The following ABCA12 variants were observed in gnomAD, a reference collection of about 807,000 sequenced individuals.
ABCA12 encodes the protein glucosylceramide transporter ABCA12.
A neutral mutation model predicts 293.5 loss-of-function variants in ABCA12; 156 were observed. That is an observed-to-expected ratio of 0.53 (90% CI 0.47 to 0.61). The LOEUF (loss-of-function observed/expected upper bound fraction) is 0.61. Ranked by LOEUF, ABCA12 falls within the 20% of genes least tolerant of loss-of-function variation. The pLI, the probability that ABCA12 is intolerant of heterozygous loss-of-function variation, is 0.00. For synonymous variants in ABCA12, 1,063 were observed against 1,108.0 expected (o/e 0.96, Z 0.81); for missense variants, 2,797 against 3,090.2 (o/e 0.91, Z 2.25).
intron 11 of ABCA12, among the ~76,000 whole-genome samples, chr2:215,021,076 T>C (rs1574989522): frequency 1.3e-5 from 2 of 152,200 alleles, no homozygotes; most frequent in African/African-American, 4.8e-5. Context: ...GTCTCACTCT[T>C]GGGCTGAAGC....
intron 1 of ABCA12, among the ~76,000 whole-genome samples, chr2:215,117,508 C>T (rs1702710672): frequency 6.6e-6 from 1 of 152,116 alleles, no homozygotes; most frequent in African/African-American, 2.4e-5. Context: ...TAATATTTTC[C>T]TCTGCACCTG....
rs758076645 is a variant in ABCA12 at position 214,980,596 on chromosome 2, G to A, written c.4627C>T (p.Leu1543=). Residue 1543 remains leucine, a synonymous_variant, in exon 31 of 53, where the codon CTG becomes TTG. Coordinates refer to ENST00000272895, the MANE Select transcript of ABCA12 (RefSeq NM_173076.3). ...STHHLDEAEV[L]SDRIAFLEQG... is the part of the protein sequence containing the mutation. ...TCCAGGAAGGCGATGCGGTCACTCA[G>A]CACTTCAGCCTCGTCCAAGTGGTGC... is the stretch of plus-strand genomic sequence containing the variant. 1.9e-6 allele frequency: 3 copies of A among 1,614,060 alleles called. No homozygotes were observed. Among genetic ancestry groups the A allele is most frequent in the Non-Finnish European group, 2.5e-6 (3 of 1,179,982 alleles).
chr2:214,942,959 G>C lies in ABCA12; in HGVS notation c.7402C>G (p.Gln2468Glu). The C allele has an allele frequency of 1.2e-6, 2 of 1,613,436 alleles. No individual in the cohort carries two copies. Among genetic ancestry groups the C allele is most frequent in the Non-Finnish European group, 1.7e-6 (2 of 1,179,758 alleles). Residue 2468 changes from glutamine to glutamate, a missense_variant, in exon 50 of 53, where the codon CAA (glutamine) becomes GAA (glutamate). By Grantham distance (29) the Gln-to-Glu change is conservative. Transcript: ENST00000272895. ...ATGTGCTGCAAAGATCCAATACATT[G>C]AAACTTTCCATTCACCATAATGGCC... ...RLAIMVNGKF[Q>E]CIGSLQHIKS...
chr2:215,024,550 G>T (rs1700698748), intron 11 of ABCA12, among the ~76,000 whole-genome samples: 2 of 152,086 alleles, frequency 1.3e-5, no homozygotes, highest in African/African-American at 2.4e-5. Context: ...CTTCTCATTT[G>T]CACAAACAAA....
Position 214,991,034 on chromosome 2 carries a change from G to GT in ABCA12, c.3295-4dup. ...TTCACACCCATCATCTTCATGTACTGTAAGAAGAAAAAATGTGAGGCGCTT... is the reference window on the plus strand; with the variant it reads ...TTCACACCCATCATCTTCATGTACTGTTAAGAAGAAAAAATGTGAGGCGCTT... On this transcript the variant is annotated splice_polypyrimidine_tract_variant and splice_region_variant and intron_variant, in intron 23 of 52. Transcript: ENST00000272895. 1.9e-6 allele frequency: 3 copies of GT among 1,613,250 alleles called. No homozygotes were observed. Among genetic ancestry groups the GT allele is most frequent in the Non-Finnish European group, 2.5e-6 (3 of 1,179,534 alleles).
At chr2:215,036,145 A>G (rs1438365891) in intron 8 of ABCA12, among the ~76,000 whole-genome samples, 1 of 152,232 alleles carries the variant, frequency 6.6e-6, no homozygotes, top group Non-Finnish European at 1.5e-5. Flanking sequence ...GATATAAAAA[A>G]TGCTCTAGAC....
chr2:215,117,220 A>G (rs980407125), intron 1 of ABCA12, among the ~76,000 whole-genome samples: 1 of 152,338 alleles, frequency 6.6e-6, no homozygotes, highest in Non-Finnish European at 1.5e-5. Context: ...AATCTAGACT[A>G]ATTTTTAAAA....
At position 214,961,101 on chromosome 2, in the gene ABCA12, T is replaced by C. The variant is rs117072338; in HGVS notation, c.5885-2023A>G. ...TAATTGGGTTGATTTTTAAAACCAG[T>C]AACATTATTACAATGGTAGATCTCA... is the stretch of plus-strand genomic sequence containing the variant. On this transcript the variant is annotated intron_variant, in intron 39 of 52. Transcript: ENST00000272895. 8.3e-4 allele frequency among the ~76,000 whole-genome samples: 126 copies of C among 152,224 alleles called. 1 individual carries two copies. Among genetic ancestry groups the C allele is most frequent in the East Asian group, 6.0e-3 (31 of 5,178 alleles).
intron 29 of ABCA12, 50 bp from the exon 30 acceptor site, chr2:214,982,433 G>C: frequency 6.7e-7 from 1 of 1,491,258 alleles, no homozygotes; most frequent in Non-Finnish European, 9.3e-7. Flanking sequence ...TACTATTTGA[G>C]TACTGGAAAC....
Position 214,986,566 on chromosome 2 carries a change from T to G in ABCA12, c.4139A>C (p.Asn1380Thr). Residue 1380 changes from asparagine (N) to threonine (T), a missense_variant, in exon 28 of 53, where the codon AAT (asparagine) becomes ACT (threonine). Around this residue, in one of 3 missense-constraint regions of ABCA12, gnomAD observed 2,130 missense variants for 2,427.0 expected, o/e 0.88. Transcript: ENST00000272895. ...CATGGTAGTAGTTTTCCCAGCTCCATTGGGCCCCAGCAATGAAGTAATATG... is the reference window on the plus strand; with the variant it reads ...CATGGTAGTAGTTTTCCCAGCTCCAGTGGGCCCCAGCAATGAAGTAATATG... ...EGHITSLLGP[N>T]GAGKTTTISM... 2 of 1,614,088 alleles carry G rather than the reference T, an allele frequency of 1.2e-6. No homozygotes were observed. The highest frequency in any genetic ancestry group is 1.1e-5 in the South Asian group (1 of 91,082).
Position 215,111,586 on chromosome 2 carries a change from C to T in ABCA12, c.163+11G>A. 1.3e-6 allele frequency: 2 copies of T among 1,577,530 alleles called. No homozygotes were observed. Among genetic ancestry groups the T allele is most frequent in the Non-Finnish European group, 1.7e-6 (2 of 1,147,660 alleles). ...AAAAATTAAGGAAATAAACAAATGT[C>T]ATTTACTTACAAGTTGGTTTTGCAG... On this transcript the variant is annotated intron_variant, in intron 2 of 52. Coordinates refer to ENST00000272895, the MANE Select transcript of ABCA12 (RefSeq NM_173076.3).
chr2:215,020,169 T>C (rs912324917), intron 11 of ABCA12, among the ~76,000 whole-genome samples: 1 of 152,058 alleles, frequency 6.6e-6, no homozygotes, highest in Non-Finnish European at 1.5e-5. Context: ...TTAGAACGTT[T>C]AAAAAGTATT....
intron 3 of ABCA12, among the ~76,000 whole-genome samples, chr2:215,060,904 G>A (rs1000677738): frequency 1.3e-5 from 2 of 152,036 alleles, no homozygotes; most frequent in South Asian, 2.1e-4. Context: ...GAAGCCGCAG[G>A]TCATGAATGA....
At chr2:215,051,649 A>G (rs1317776047) in intron 5 of ABCA12, among the ~76,000 whole-genome samples, 4 of 33,716 alleles carry the variant, frequency 1.2e-4, no homozygotes, top group Non-Finnish European at 3.9e-4. Flanking sequence ...TGTGTGTGTG[A>G]AGGTGATGGG....
chr2:215,116,677 A>C (rs1322285985), intron 1 of ABCA12, among the ~76,000 whole-genome samples: 1 of 152,248 alleles, frequency 6.6e-6, no homozygotes, highest in African/African-American at 2.4e-5. Flanking sequence ...TGAGGAATGG[A>C]GTATGTACCT....
At chr2:215,096,626 A>C (rs536695373) in intron 2 of ABCA12, among the ~76,000 whole-genome samples, 1 of 152,272 alleles carries the variant, frequency 6.6e-6, no homozygotes, top group East Asian at 1.9e-4. Flanking sequence ...TATCTTTAAG[A>C]CTTACTCATT....
At chr2:215,112,062 C>A (rs1702581705) in intron 1 of ABCA12, among the ~76,000 whole-genome samples, 3 of 152,248 alleles carry the variant, frequency 2.0e-5, no homozygotes, top group Admixed American at 1.3e-4. Context: ...TCTAAACAGG[C>A]CATACAAAAC....
chr2:215,105,615 A>G (rs1702449875), intron 2 of ABCA12, among the ~76,000 whole-genome samples: 1 of 151,788 alleles, frequency 6.6e-6, no homozygotes, highest in Non-Finnish European at 1.5e-5. Flanking sequence ...ACACACACAC[A>G]CACACACGCA....
At chr2:215,019,030 G>C (rs368210192) in intron 13 of ABCA12, among the ~76,000 whole-genome samples, 4 of 152,286 alleles carry the variant, frequency 2.6e-5, no homozygotes, top group African/African-American at 9.6e-5. Flanking sequence ...TTTCATTGTT[G>C]CCCTTGCAGC....
Sources: gnomAD v4.1 joint callset for allele counts (sites outside exome capture counted in the v4.1 genomes callset) on GRCh38, gnomAD v4.1.1 for gene constraint, gnomAD v4.1.1 regional missense constraint, MANE v1.5 for transcripts, NCBI Gene and HGNC (gene_info 2026-07-23, HGNC 2026-07-21) for gene names.